The following WNT3 variants were observed in gnomAD, a reference collection of about 807,000 sequenced individuals.
WNT3 encodes proto-oncogene Wnt-3.
A neutral mutation model predicts 34.2 loss-of-function variants in WNT3; 7 were observed. The observed-to-expected ratio is 0.20, with a 90% CI of 0.12 to 0.38. The LOEUF is 0.38. Ranked by LOEUF, WNT3 falls within the 10% of genes least tolerant of loss-of-function variation. The pLI, the probability that WNT3 is intolerant of heterozygous loss-of-function variation, is 1.00. For synonymous variants in WNT3, 212 were observed against 211.5 expected, an observed-to-expected ratio of 1.00 and a Z score of -0.02; for missense variants, 267 against 499.8, an observed-to-expected ratio of 0.53 and a Z score of 4.44.
At chr17:46,784,960 G>A (rs1051366011) in intron 1 of WNT3, among the ~76,000 whole-genome samples, 15 of 152,052 alleles carry the variant, frequency 9.9e-5, no homozygotes, top group Admixed American at 7.2e-4. Flanking sequence ...GTATTTTTTA[G>A]TAGAGACGGG....
At chr17:46,780,490 T>C (rs1431024139) in intron 1 of WNT3, among the ~76,000 whole-genome samples, 1 of 152,198 alleles carries the variant, frequency 6.6e-6, no homozygotes, top group African/African-American at 2.4e-5. Context: ...CCCAAAAGAA[T>C]TGAAAATGGG....
intron 1 of WNT3, among the ~76,000 whole-genome samples, chr17:46,780,541 C>A (rs2059451354): frequency 6.6e-6 from 1 of 152,238 alleles, no homozygotes; most frequent in Non-Finnish European, 1.5e-5. Flanking sequence ...GTAATCCCAG[C>A]ACTTTGGGAG....
intron 1 of WNT3, among the ~76,000 whole-genome samples, chr17:46,793,897 G>T (rs1289042368): frequency 6.6e-6 from 1 of 152,172 alleles, no homozygotes. Context: ...CAAATCCCAT[G>T]CTATCGCTAT....
intron 1 of WNT3, among the ~76,000 whole-genome samples, chr17:46,784,771 G>T (rs1376183451): frequency 1.7e-5 from 2 of 119,976 alleles, no homozygotes; most frequent in Non-Finnish European, 3.2e-5. Flanking sequence ...TCCCCTTTTT[G>T]CTTTTCTTTT....
intron 2 of WNT3, 118 bp from the exon 3 acceptor site, chr17:46,770,166 C>T (rs1158257167): frequency 2.2e-6 from 3 of 1,364,222 alleles, no homozygotes; most frequent in East Asian, 2.5e-5. Flanking sequence ...GAAGAGCTCA[C>T]CAGCCCTGAG....
In WNT3 at chr17:46,792,925, C is replaced by T. The variant is rs888296724; in HGVS notation, c.81-19016G>A. Among the ~76,000 whole-genome samples, 6 of 151,818 alleles carry T rather than the reference C, an allele frequency of 4.0e-5. No individual in the cohort carries two copies. The South Asian group carries it at 6.2e-4, about 16-fold the overall frequency. ...ATGGGCTCAGAGAGGCCAAGTGACT[C>T]GTCTAAAGTCACATAGCTAGGAAAT... On this transcript the variant is annotated intron_variant, in intron 1 of 4. Transcript: ENST00000225512.
intron 1 of WNT3, among the ~76,000 whole-genome samples, chr17:46,798,303 A>C (rs1411134851): frequency 1.3e-5 from 2 of 152,174 alleles, no homozygotes; most frequent in Non-Finnish European, 2.9e-5. Flanking sequence ...GGAGATGGGG[A>C]ATGGGCTGAG....
At chr17:46,781,802 C>T (rs1191109892) in intron 1 of WNT3, among the ~76,000 whole-genome samples, 1 of 152,170 alleles carries the variant, frequency 6.6e-6, no homozygotes, top group South Asian at 2.1e-4. Flanking sequence ...CTGTGCAGGA[C>T]GAAATTCCAG....
At chr17:46,771,926 CCCGCCGCGCCG>C (rs1459589919) in intron 2 of WNT3, among the ~76,000 whole-genome samples, 3 of 145,294 alleles carry the variant, frequency 2.1e-5, no homozygotes, top group Admixed American at 2.0e-4. Flanking sequence ...GCGCCTCGGG[CCCGCCGCGCCG>C]CCGCCGCGCC....
At chr17:46,806,190 T>G (rs1881725883) in intron 1 of WNT3, among the ~76,000 whole-genome samples, 1 of 146,824 alleles carries the variant, frequency 6.8e-6, no homozygotes, top group African/African-American at 2.5e-5. Context: ...CTTTTTTTCT[T>G]TTTTCTTTTT....
At chr17:46,815,042 C>T (rs751063196) in intron 1 of WNT3, among the ~76,000 whole-genome samples, 15 of 152,118 alleles carry the variant, frequency 9.9e-5, no homozygotes, top group Non-Finnish European at 2.1e-4. Context: ...GATGGGTGGC[C>T]ACTGGTCCTC....
chr17:46,785,415 G>A (rs1469229737), intron 1 of WNT3, among the ~76,000 whole-genome samples: 2 of 152,180 alleles, frequency 1.3e-5, no homozygotes, highest in Non-Finnish European at 2.9e-5. Context: ...AGTGATCCAC[G>A]CCATAGGAGA....
intron 1 of WNT3, among the ~76,000 whole-genome samples, chr17:46,795,880 TCACA>T (rs774284699): frequency 6.6e-6 from 1 of 151,834 alleles, no homozygotes; most frequent in Admixed American, 6.6e-5. Flanking sequence ...CCTCTCTCTC[TCACA>T]CACACACACA....
chr17:46,782,513 G>T (rs75051680), intron 1 of WNT3, among the ~76,000 whole-genome samples: 2,208 of 152,334 alleles, frequency 0.014, 53 homozygotes, highest in African/African-American at 0.051. Context: ...GGAAAGGAAA[G>T]GTTTGAGGAA....
intron 2 of WNT3, among the ~76,000 whole-genome samples, chr17:46,770,571 G>A (rs1033977671): frequency 6.6e-6 from 1 of 152,112 alleles, no homozygotes; most frequent in African/African-American, 2.4e-5. Flanking sequence ...TCCTTTTCTC[G>A]GTCTCAGTCG....
At chr17:46,769,633 G>T in intron 3 of WNT3, 150 bp downstream of exon 3, 2 of 982,260 alleles carry the variant, frequency 2.0e-6, no homozygotes, top group South Asian at 1.5e-5. Flanking sequence ...AAGTGGCTGT[G>T]GGGTGGGGAG....
At chr17:46,790,471 A>G (rs1057410485) in intron 1 of WNT3, among the ~76,000 whole-genome samples, 2 of 152,004 alleles carry the variant, frequency 1.3e-5, no homozygotes, top group Non-Finnish European at 2.9e-5. Context: ...CTCAAGGTTG[A>G]GAAGCACTGC....
Position 46,797,998 on chromosome 17 carries a change from G to A in WNT3, c.80+20520C>T, listed in dbSNP as rs948363781. On this transcript the variant is annotated intron_variant, in intron 1 of 4. Transcript: ENST00000225512. ...GGCTGGAGTGCAGTGGCGTGATCCC[G>A]GCTCTCTGCAACGTCTGCCTCCTGG... is the stretch of plus-strand genomic sequence containing the variant. 5.9e-5 allele frequency among the ~76,000 whole-genome samples: 9 copies of A among 152,164 alleles called. No homozygotes were observed. The South Asian group carries it at 1.9e-3, about 32-fold the overall frequency.
intron 1 of WNT3, among the ~76,000 whole-genome samples, chr17:46,779,404 G>T (rs1177895689): frequency 6.6e-6 from 1 of 152,054 alleles, no homozygotes; most frequent in African/African-American, 2.4e-5. Flanking sequence ...CTGGGCCAGG[G>T]GCTATTTATA....
Sources: gnomAD v4.1 joint callset for allele counts (sites outside exome capture counted in the v4.1 genomes callset) on GRCh38, gnomAD v4.1.1 for gene constraint, MANE v1.5 for transcripts, NCBI Gene and HGNC (gene_info 2026-07-23, HGNC 2026-07-21) for gene names.